DLST: variants seen among roughly 807,000 people sequenced by gnomAD.
DLST encodes the protein dihydrolipoyllysine-residue succinyltransferase component of 2-oxoglutarate dehydrogenase complex, mitochondrial.
Under a neutral mutation model 53.1 loss-of-function variants are expected in DLST, and 17 were observed. The observed-to-expected ratio is 0.32, with a 90% CI of 0.22 to 0.48. The LOEUF is 0.48. Ranked by LOEUF, DLST falls within the 20% of genes least tolerant of loss-of-function variation. The pLI, the probability that DLST is intolerant of heterozygous loss-of-function variation, is 0.99. For missense variants in DLST, 512 were observed against 583.9 expected, an observed-to-expected ratio of 0.88 and a Z score of 1.27; for synonymous variants, 206 against 204.8, an observed-to-expected ratio of 1.01 and a Z score of -0.05.
chr14:74,899,678 T>G (rs1465105444), intron 11 of DLST, among the ~76,000 whole-genome samples: 1 of 152,204 alleles, frequency 6.6e-6, no homozygotes, highest in Non-Finnish European at 1.5e-5. Context: ...TGAGCCCTTC[T>G]TAGGGCTGCC....
intron 10 of DLST, among the ~76,000 whole-genome samples, chr14:74,898,095 G>A (rs768992079): frequency 2.0e-5 from 3 of 152,236 alleles, no homozygotes; most frequent in East Asian, 1.9e-4. Context: ...TTCATATGAT[G>A]TGTCACTGAA....
chr14:74,900,928 G>A, intron 13 of DLST, 138 bp from the exon 14 acceptor site: 1 of 833,876 alleles, frequency 1.2e-6, no homozygotes, highest in South Asian at 1.7e-5. Flanking sequence ...GTCTCACTAT[G>A]TTGCCCAGGT....
In DLST at chr14:74,901,313, TTAACTA is replaced by T. The variant is rs374848910; in HGVS notation, c.1227+84_1227+89del. On this transcript the variant is annotated intron_variant, in intron 14 of 14. Coordinates refer to ENST00000334220, the MANE Select transcript of DLST (RefSeq NM_001933.5). ...CCAACTAAATGCTAATTGTAAAACATTAACTATAATTTCAGGCCTAAGTTCCATTTC... is the reference window on the plus strand; with the variant it reads ...CCAACTAAATGCTAATTGTAAAACATTAATTTCAGGCCTAAGTTCCATTTC... 362 of 1,369,316 alleles carry T rather than the reference TTAACTA, an allele frequency of 2.6e-4. No homozygotes were observed. In the African/African-American group the frequency reaches 4.5e-3, roughly 17 times the overall value. 84.8% of individuals were successfully genotyped at this position (1,369,316 alleles called of 1,614,324 possible).
chr14:74,883,392 G>A (rs1883599198), intron 2 of DLST, among the ~76,000 whole-genome samples: 1 of 152,114 alleles, frequency 6.6e-6, no homozygotes, highest in African/African-American at 2.4e-5. Flanking sequence ...AAGACCCTGA[G>A]GAAGAAAAGA....
At chr14:74,891,440 T>C (rs1028570748) in intron 7 of DLST, 29 of 1,103,772 alleles carry the variant, frequency 2.6e-5, no homozygotes, top group Admixed American at 9.1e-5. Context: ...CTTATAGATA[T>C]ACAGATTGAG....
At chr14:74,898,995 C>T (rs1884159147) in intron 11 of DLST, among the ~76,000 whole-genome samples, 1 of 152,180 alleles carries the variant, frequency 6.6e-6, no homozygotes, top group African/African-American at 2.4e-5. Context: ...GTAGTGTTGA[C>T]CTAACAAGCA....
At chr14:74,900,122 C>CT (rs950134279) in intron 12 of DLST, 126 bp downstream of exon 12, 67 of 1,075,032 alleles carry the variant, frequency 6.2e-5, no homozygotes, top group African/African-American at 2.4e-4. Flanking sequence ...TAAAAGTAAC[C>CT]TTTTTTTTCT....
At chr14:74,883,871 A>G (rs1282571463) in intron 2 of DLST, among the ~76,000 whole-genome samples, 1 of 152,198 alleles carries the variant, frequency 6.6e-6, no homozygotes, top group Non-Finnish European at 1.5e-5. Context: ...TATGCCAGCC[A>G]CTGTTCTAGG....
chr14:74,881,969 C>T lies in DLST; in HGVS notation c.16C>T (p.Arg6Cys), dbSNP rs544892049. 1.5e-5 allele frequency: 23 copies of T among 1,569,800 alleles called. No individual in the cohort carries two copies. Among genetic ancestry groups the T allele is most frequent in the South Asian group, 6.9e-5 (6 of 87,160 alleles). Residue 6 changes from arginine (R) to cysteine (C), a missense_variant, in exon 1 of 15, where the codon CGC becomes TGC. Coordinates refer to ENST00000334220, the MANE Select transcript of DLST (RefSeq NM_001933.5). ...CTCCGCCGTGATGCTGTCCCGATCC[C>T]GCTGTGTGTCTCGGGCGTTCAGCCG... Reference protein sequence around the residue: MLSRSRCVSRAFSRSL... With the variant: MLSRSCCVSRAFSRSL...
chr14:74,895,483 C>G lies in DLST; in HGVS notation c.770+1074C>G, dbSNP rs551194126. 3.3e-5 allele frequency among the ~76,000 whole-genome samples: 5 copies of G among 152,294 alleles called. No homozygotes were observed. The South Asian group carries it at 1.0e-3, about 32-fold the overall frequency. On this transcript the variant is annotated intron_variant, in intron 10 of 14. Transcript: ENST00000334220. ...ATTCAGTGGGGATAGACGCTGGGCA[C>G]CATGGCTCGTGCCTATAATCCCAGA...
chr14:74,889,349 G>A lies in DLST; in HGVS notation c.274G>A (p.Ala92Thr). The A allele has an allele frequency of 6.3e-7, 1 of 1,589,070 alleles. No individual in the cohort carries two copies. The change falls in exon 5 of 15, where the codon GCT becomes ACT. Residue 92 changes from alanine (A) to threonine (T), a missense_variant and splice_region_variant. This residue lies in a region of DLST where 35 missense variants were observed against 70.5 expected (regional missense o/e 0.50). Transcript: ENST00000334220. Reference protein sequence around the residue: ...VTEGDVRWEKAVGDTVAEDEV... With the variant: ...VTEGDVRWEKTVGDTVAEDEV... Reference sequence around the variant, plus strand: ...AGAGGGAGATGTCAGGTGGGAGAAAGGTAAGATTTAGTTTCCTATTTTTTT... The same window carrying A: ...AGAGGGAGATGTCAGGTGGGAGAAAAGTAAGATTTAGTTTCCTATTTTTTT...
intron 2 of DLST, among the ~76,000 whole-genome samples, 176 bp downstream of exon 2, chr14:74,882,800 A>G (rs1883573701): frequency 1.3e-5 from 2 of 152,194 alleles, no homozygotes. Flanking sequence ...CTCGTAGTTG[A>G]GTTTCTACTG....
chr14:74,884,307 G>A (rs1420025582), intron 2 of DLST, among the ~76,000 whole-genome samples: 1 of 152,138 alleles, frequency 6.6e-6, no homozygotes, highest in Non-Finnish European at 1.5e-5. Context: ...GCACAATGTC[G>A]GCTTGTAGTG....
intron 2 of DLST, among the ~76,000 whole-genome samples, chr14:74,883,096 C>T (rs544488788): frequency 1.3e-5 from 2 of 152,208 alleles, no homozygotes; most frequent in South Asian, 4.2e-4. Context: ...AGATCGAGAC[C>T]ATCCTGGTTA....
chr14:74,895,844 T>C (rs1435304773), intron 10 of DLST, among the ~76,000 whole-genome samples: 12 of 152,064 alleles, frequency 7.9e-5, no homozygotes, highest in African/African-American at 2.9e-4. Flanking sequence ...TTGCAGTGGC[T>C]GATATCGCGC....
intron 13 of DLST, 122 bp downstream of exon 13, chr14:74,900,494 T>C: frequency 1.2e-6 from 1 of 817,198 alleles, no homozygotes; most frequent in South Asian, 1.5e-5. Flanking sequence ...AGAAAAGCAG[T>C]TGCCCATGAG....
intron 3 of DLST, 136 bp from the exon 4 acceptor site, chr14:74,888,959 C>A: frequency 3.6e-6 from 3 of 838,216 alleles, no homozygotes; most frequent in Non-Finnish European, 3.9e-6. Flanking sequence ...TGAAAAAGTT[C>A]CTCCCCAAGT....
chr14:74,900,477 G>C (rs904815119), intron 13 of DLST, 105 bp downstream of exon 13: 5 of 970,922 alleles, frequency 5.1e-6, no homozygotes, highest in South Asian at 4.2e-5. Context: ...CAAGTGCATA[G>C]CCCCTGAGAA....
chr14:74,885,449 T>TCTATGATAAAGATTATATCCGTTGC (rs1883669055), intron 2 of DLST, 137 bp from the exon 3 acceptor site: 1 of 907,382 alleles, frequency 1.1e-6, no homozygotes, highest in Admixed American at 1.9e-5. Context: ...GAAGCAGGAC[T>TCTATGATAAAGATTATATCCGTTGC]CTATGATAAA....
Sources: gnomAD v4.1 joint callset for allele counts (sites outside exome capture counted in the v4.1 genomes callset) on GRCh38, gnomAD v4.1.1 for gene constraint, gnomAD v4.1.1 regional missense constraint, MANE v1.5 for transcripts, NCBI Gene and HGNC (gene_info 2026-07-23, HGNC 2026-07-21) for gene names.